Variants in ZNF385B observed in about 807,000 individuals in gnomAD.
ZNF385B encodes the protein zinc finger protein 533.
A neutral mutation model predicts 39.2 loss-of-function variants in ZNF385B; 23 were observed. The observed-to-expected ratio is 0.59, with a 90% confidence interval of 0.42 to 0.83. The LOEUF (loss-of-function observed/expected upper bound fraction) is 0.83. Among genes scored for constraint, ZNF385B ranks in the 40% least tolerant of loss-of-function variants. ZNF385B has a pLI of 0.00. For synonymous variants in ZNF385B, 205 were observed against 222.6 expected, an observed-to-expected ratio of 0.92 and a Z score of 0.70; for missense variants, 552 against 598.9, an observed-to-expected ratio of 0.92 and a Z score of 0.82.
intron 3 of ZNF385B, among the ~76,000 whole-genome samples, chr2:179,606,214 T>G (rs1688789295): frequency 6.6e-6 from 1 of 152,116 alleles, no homozygotes; most frequent in Non-Finnish European, 1.5e-5. Context: ...TTGTGCAGTA[T>G]GTAGGTTAAG....
In ZNF385B at chr2:179,628,999, GTT is replaced by G. The variant is rs1264393641; in HGVS notation, c.299-84032_299-84031del. ...TAACAGATGTTAATAAGTTTGATGT[GTT>G]TCCATAAATTGCAGTCATTATTTTT... On this transcript the variant is annotated intron_variant, in intron 3 of 9. Transcript: ENST00000410066. 2.6e-5 allele frequency among the ~76,000 whole-genome samples: 4 copies of G among 152,174 alleles called. No individual in the cohort carries two copies. The East Asian group carries it at 7.7e-4, about 29-fold the overall frequency.
intron 3 of ZNF385B, among the ~76,000 whole-genome samples, chr2:179,613,106 C>A (rs1336900817): frequency 3.3e-5 from 5 of 152,172 alleles, no homozygotes; most frequent in Non-Finnish European, 5.9e-5. Context: ...TGAATGCGGC[C>A]AAGCCTGGGA....
At chr2:179,650,124 G>A (rs1439595617) in intron 3 of ZNF385B, among the ~76,000 whole-genome samples, 2 of 152,168 alleles carry the variant, frequency 1.3e-5, no homozygotes, top group Non-Finnish European at 2.9e-5. Context: ...TCACAAATGT[G>A]TGATTTCAAC....
intron 3 of ZNF385B, among the ~76,000 whole-genome samples, chr2:179,709,612 A>C (rs1279238268): frequency 1.2e-4 from 19 of 152,198 alleles, no homozygotes; most frequent in Non-Finnish European, 4.4e-5. Flanking sequence ...TTGGCTACAT[A>C]AGATGACACT....
chr2:179,817,193 A>G (rs1707121506), intron 1 of ZNF385B, among the ~76,000 whole-genome samples: 1 of 152,218 alleles, frequency 6.6e-6, no homozygotes, highest in Non-Finnish European at 1.5e-5. Flanking sequence ...TATTGTGCAT[A>G]GTGTTTATTA....
At chr2:179,578,344 ACT>A (rs1231979160) in intron 3 of ZNF385B, among the ~76,000 whole-genome samples, 1 of 151,936 alleles carries the variant, frequency 6.6e-6, no homozygotes, top group African/African-American at 2.4e-5. Context: ...GTAATGAGTA[ACT>A]CTCCTTTCTG....
intron 6 of ZNF385B, among the ~76,000 whole-genome samples, chr2:179,453,687 T>C (rs954047174): frequency 1.3e-5 from 2 of 152,172 alleles, no homozygotes; most frequent in Non-Finnish European, 2.9e-5. Flanking sequence ...TAAGATTTCT[T>C]TGGGCCAACA....
chr2:179,814,209 A>T (rs1706915149), intron 1 of ZNF385B: 1 of 178,974 alleles, frequency 5.6e-6, no homozygotes, highest in Admixed American at 6.2e-5. Context: ...CAGGGCCCTC[A>T]TTGGCACCTG....
chr2:179,489,958 A>G (rs1336115202), intron 5 of ZNF385B, among the ~76,000 whole-genome samples: 1 of 152,264 alleles, frequency 6.6e-6, no homozygotes, highest in Admixed American at 6.5e-5. Context: ...GTGAAACGCT[A>G]CAAGTTGCTA....
At chr2:179,843,834 C>A (rs1257019275) in intron 1 of ZNF385B, among the ~76,000 whole-genome samples, 1 of 152,184 alleles carries the variant, frequency 6.6e-6, no homozygotes, top group East Asian at 1.9e-4. Flanking sequence ...ACAATAAAGT[C>A]AGGCTGGTTT....
At chr2:179,504,508 T>G (rs1169279292) in intron 5 of ZNF385B, among the ~76,000 whole-genome samples, 9 of 152,060 alleles carry the variant, frequency 5.9e-5, no homozygotes, top group Non-Finnish European at 4.4e-5. Context: ...GTAAAAGTGT[T>G]CCTATTTCTC....
chr2:179,628,924 T>C (rs1690925518), intron 3 of ZNF385B, among the ~76,000 whole-genome samples: 1 of 152,226 alleles, frequency 6.6e-6, no homozygotes, highest in South Asian at 2.1e-4. Flanking sequence ...CCTTCAAGGG[T>C]AACAGAAAGC....
intron 1 of ZNF385B, among the ~76,000 whole-genome samples, chr2:179,791,995 C>A (rs1470644764): frequency 1.3e-5 from 2 of 152,170 alleles, no homozygotes; most frequent in African/African-American, 4.8e-5. Context: ...CTCCTGACCT[C>A]AAGTGACCCA....
intron 3 of ZNF385B, among the ~76,000 whole-genome samples, chr2:179,737,395 C>CTT (rs35741676): frequency 3.2e-4 from 49 of 151,444 alleles, no homozygotes; most frequent in Admixed American, 2.3e-3. Flanking sequence ...CAGAAACTCC[C>CTT]TTTTTTTTTC....
intron 1 of ZNF385B, among the ~76,000 whole-genome samples, chr2:179,811,392 C>T (rs1475602961): frequency 1.3e-5 from 2 of 152,102 alleles, no homozygotes; most frequent in Admixed American, 6.5e-5. Context: ...TATTGCATTA[C>T]CTGACTTCAA....
chr2:179,841,196 C>CAAT (rs1553543829), intron 1 of ZNF385B, among the ~76,000 whole-genome samples: 1 of 152,086 alleles, frequency 6.6e-6, no homozygotes, highest in Non-Finnish European at 1.5e-5. Flanking sequence ...GTTAAGGGAA[C>CAAT]AATAATTCAT....
chr2:179,455,375 C>A (rs2050573892), intron 6 of ZNF385B, among the ~76,000 whole-genome samples: 1 of 151,800 alleles, frequency 6.6e-6, no homozygotes, highest in African/African-American at 2.4e-5. Context: ...ATCATGGGGG[C>A]ATGATTACCT....
intron 3 of ZNF385B, among the ~76,000 whole-genome samples, chr2:179,659,126 C>T (rs893515143): frequency 2.6e-5 from 4 of 152,206 alleles, no homozygotes; most frequent in Non-Finnish European, 4.4e-5. Context: ...AAATTGTTCT[C>T]ACACATGAGG....
At chr2:179,837,785 C>T (rs1218911096) in intron 1 of ZNF385B, among the ~76,000 whole-genome samples, 1 of 152,088 alleles carries the variant, frequency 6.6e-6, no homozygotes, top group Admixed American at 6.5e-5. Context: ...TTTTAAAGCT[C>T]TTTATAGTTA....
Sources: allele counts gnomAD v4.1 joint callset (sites outside exome capture counted in the v4.1 genomes callset), GRCh38; gene constraint gnomAD v4.1.1; transcripts MANE v1.5; gene names NCBI Gene and HGNC (gene_info 2026-07-23, HGNC 2026-07-21).